Variants in GRIK3 observed in about 807,000 individuals in gnomAD.
The protein encoded by GRIK3 is glutamate ionotropic receptor kainate type subunit 3.
A neutral mutation model predicts 102.5 loss-of-function variants in GRIK3; 29 were observed. That is an observed-to-expected ratio of 0.28 (90% CI 0.21 to 0.39). GRIK3 has a LOEUF of 0.39. Among genes scored for constraint, GRIK3 ranks in the 10% least tolerant of loss-of-function variants. The pLI is 1.00. For missense variants in GRIK3, 908 were observed against 1,252.4 expected (o/e 0.73, Z 4.15); for synonymous variants, 511 against 504.9 (o/e 1.01, Z -0.16).
chr1:36,983,154 C>CCCGACA (rs901067721), intron 1 of GRIK3, among the ~76,000 whole-genome samples: 2 of 152,162 alleles, frequency 1.3e-5, no homozygotes, highest in Non-Finnish European at 2.9e-5. Context: ...GCGGAGTCTT[C>CCCGACA]CCGACACCGA....
intron 2 of GRIK3, among the ~76,000 whole-genome samples, chr1:36,885,958 A>C (rs1309792048): frequency 1.3e-5 from 2 of 152,180 alleles, no homozygotes; most frequent in Non-Finnish European, 2.9e-5. Flanking sequence ...AAATTATCCC[A>C]ATCAATTTGT....
chr1:36,842,047 C>T lies in GRIK3; in HGVS notation c.1327-108G>A, dbSNP rs1640460196. On this transcript the variant is annotated intron_variant, in intron 9 of 15. Coordinates refer to ENST00000373091, the MANE Select transcript of GRIK3 (RefSeq NM_000831.4). ...ACCTCTGCTCATGTTTTTATAAACC[C>T]CTTGGAGTGGCTTAGACAAAGGGCC... 1.6e-5 allele frequency: 15 copies of T among 916,624 alleles called. No individual in the cohort carries two copies. In the East Asian group the frequency reaches 3.2e-4, roughly 19 times the overall value. 56.8% of individuals were successfully genotyped at this position (916,624 alleles called of 1,614,324 possible). A position where few individuals can be genotyped will look rare whatever the true frequency, so the allele number is the denominator to read the frequency against.
At chr1:36,862,762 TG>T (rs1304594101) in intron 5 of GRIK3, among the ~76,000 whole-genome samples, 3 of 152,148 alleles carry the variant, frequency 2.0e-5, no homozygotes, top group Non-Finnish European at 2.9e-5. Context: ...AAAATGGGGT[TG>T]AAAGTGCCAC....
intron 1 of GRIK3, among the ~76,000 whole-genome samples, chr1:36,928,078 C>A (rs775953286): frequency 6.6e-6 from 1 of 152,106 alleles, no homozygotes; most frequent in Non-Finnish European, 1.5e-5. Flanking sequence ...AGCCTCTGAG[C>A]CAGGCCTGTT....
intron 1 of GRIK3, among the ~76,000 whole-genome samples, chr1:36,960,237 C>T (rs1465910382): frequency 6.7e-6 from 1 of 149,090 alleles, no homozygotes. Context: ...GAGCCTGTGA[C>T]CCATGAGTCT....
intron 1 of GRIK3, among the ~76,000 whole-genome samples, chr1:36,976,113 G>C (rs1557448790): frequency 6.6e-6 from 1 of 152,208 alleles, no homozygotes; most frequent in South Asian, 2.1e-4. Context: ...GGCTACAGCA[G>C]GGGATGGACA....
intron 1 of GRIK3, among the ~76,000 whole-genome samples, chr1:37,002,977 G>A (rs2124036758): frequency 6.7e-6 from 1 of 150,044 alleles, no homozygotes; most frequent in East Asian, 2.0e-4. Flanking sequence ...TAAAGCTCCA[G>A]ATAAGAAAAC....
chr1:36,855,338 T>C (rs1640638836), intron 7 of GRIK3, among the ~76,000 whole-genome samples: 1 of 152,188 alleles, frequency 6.6e-6, no homozygotes, highest in Admixed American at 6.5e-5. Flanking sequence ...CACCCATGCA[T>C]ACACTCACAG....
chr1:36,954,511 T>C (rs1353684342), intron 1 of GRIK3, among the ~76,000 whole-genome samples: 2 of 152,064 alleles, frequency 1.3e-5, no homozygotes, highest in Admixed American at 1.3e-4. Flanking sequence ...CACTCCAGGG[T>C]TCTGGGCAAG....
At chr1:36,972,350 C>T (rs549639862) in intron 1 of GRIK3, among the ~76,000 whole-genome samples, 14 of 152,316 alleles carry the variant, frequency 9.2e-5, no homozygotes, top group Middle Eastern at 3.4e-3. Context: ...CCAGGCCTTC[C>T]GTACTGATTC....
intron 1 of GRIK3, among the ~76,000 whole-genome samples, chr1:37,031,569 G>T (rs1350724751): frequency 6.6e-6 from 1 of 152,222 alleles, no homozygotes; most frequent in Non-Finnish European, 1.5e-5. Flanking sequence ...CTGGTGCTCG[G>T]CGATGCCTGG....
At chr1:37,000,585 T>A (rs1426827493) in intron 1 of GRIK3, among the ~76,000 whole-genome samples, 8 of 152,224 alleles carry the variant, frequency 5.3e-5, no homozygotes, top group Admixed American at 5.2e-4. Flanking sequence ...TGGACAATTA[T>A]ATCATTCAAT....
At chr1:36,930,619 A>T (rs1241961838) in intron 1 of GRIK3, among the ~76,000 whole-genome samples, 1 of 152,208 alleles carries the variant, frequency 6.6e-6, no homozygotes, top group Non-Finnish European at 1.5e-5. Flanking sequence ...GGGGCATTAC[A>T]TCCCTACCCA....
chr1:36,984,561 G>T (rs956623456), intron 1 of GRIK3, among the ~76,000 whole-genome samples: 3 of 152,252 alleles, frequency 2.0e-5, no homozygotes, highest in African/African-American at 7.2e-5. Context: ...GACAGAGTTA[G>T]TGTGGACAGC....
intron 1 of GRIK3, among the ~76,000 whole-genome samples, chr1:36,927,974 G>C (rs1219549735): frequency 2.0e-5 from 3 of 152,186 alleles, no homozygotes; most frequent in African/African-American, 7.2e-5. Context: ...GAGCAGAGGT[G>C]GGGGGTACCA....
intron 1 of GRIK3, among the ~76,000 whole-genome samples, chr1:36,923,768 C>G (rs2124306798): frequency 6.6e-6 from 1 of 152,222 alleles, no homozygotes; most frequent in South Asian, 2.1e-4. Flanking sequence ...GAAGCTGAAC[C>G]CCATCGGGGG....
intron 1 of GRIK3, among the ~76,000 whole-genome samples, chr1:36,932,516 G>A (rs1349514360): frequency 6.6e-6 from 1 of 152,108 alleles, no homozygotes; most frequent in Non-Finnish European, 1.5e-5. Flanking sequence ...TTCCCCTTCC[G>A]GGTTCAGAAG....
intron 1 of GRIK3, among the ~76,000 whole-genome samples, chr1:37,011,957 T>TCCCATGCACCACCTCC (rs1642600948): frequency 6.6e-6 from 1 of 152,050 alleles, no homozygotes; most frequent in African/African-American, 2.4e-5. Context: ...TAACTCCACC[T>TCCCATGCACCACCTCC]CCCATGCACC....
intron 1 of GRIK3, among the ~76,000 whole-genome samples, chr1:36,915,179 C>A (rs1242721732): frequency 6.6e-6 from 1 of 152,180 alleles, no homozygotes; most frequent in Admixed American, 6.5e-5. Flanking sequence ...GTAGGGGAGA[C>A]CTCTGCCACT....
Sources: allele counts gnomAD v4.1 joint callset (sites outside exome capture counted in the v4.1 genomes callset), GRCh38; gene constraint gnomAD v4.1.1; transcripts MANE v1.5; gene names NCBI Gene and HGNC (gene_info 2026-07-23, HGNC 2026-07-21).